The following SNX29 variants were observed in gnomAD, a reference collection of about 807,000 sequenced individuals.
SNX29 encodes sorting nexin 29, also known as sorting nexin-29.
A neutral mutation model predicts 102.1 loss-of-function variants in SNX29; 78 were observed. That is an observed-to-expected ratio of 0.76 (90% CI 0.64 to 0.92). SNX29 has a LOEUF of 0.92. Among genes scored for constraint, SNX29 ranks in the 40% least tolerant of loss-of-function variants. SNX29 has a pLI of 0.00. For synonymous variants in SNX29, 580 were observed against 414.5 expected, an observed-to-expected ratio of 1.40 and a Z score of -4.85; for missense variants, 1,280 against 1,061.7, an observed-to-expected ratio of 1.21 and a Z score of -2.86.
chr16:12,487,874 T>G (rs943475303), intron 19 of SNX29, among the ~76,000 whole-genome samples: 3 of 152,192 alleles, frequency 2.0e-5, no homozygotes, highest in Admixed American at 6.5e-5. Context: ...ACTTAATGTA[T>G]TAATCGAGAA....
chr16:12,539,429 T>C (rs2077223821), intron 20 of SNX29, among the ~76,000 whole-genome samples: 1 of 152,208 alleles, frequency 6.6e-6, no homozygotes. Flanking sequence ...GAGTCAGCAG[T>C]GTTTTTATTA....
At chr16:12,145,861 G>A (rs1240963588) in intron 13 of SNX29, among the ~76,000 whole-genome samples, 1 of 152,152 alleles carries the variant, frequency 6.6e-6, no homozygotes, top group Non-Finnish European at 1.5e-5. Context: ...TCCCTTGTAG[G>A]ATTAGTATTT....
At chr16:12,513,179 A>G (rs1335833118) in intron 19 of SNX29, among the ~76,000 whole-genome samples, 1 of 120,628 alleles carries the variant, frequency 8.3e-6, no homozygotes, top group Non-Finnish European at 1.7e-5. Flanking sequence ...CCTCCCTCCC[A>G]TACCTTTCCT....
intron 11 of SNX29, chr16:12,086,813 T>A (rs2052222665): frequency 6.6e-6 from 1 of 152,124 alleles, no homozygotes; most frequent in Non-Finnish European, 1.5e-5. Context: ...AATGTTTCAA[T>A]AAAATTTTGG....
At chr16:12,273,558 C>T (rs1031104236) in intron 14 of SNX29, among the ~76,000 whole-genome samples, 1 of 152,024 alleles carries the variant, frequency 6.6e-6, no homozygotes, top group African/African-American at 2.4e-5. Context: ...AGGGTTTCAC[C>T]ATGTTGGCCA....
intron 15 of SNX29, among the ~76,000 whole-genome samples, chr16:12,279,859 C>T (rs999815858): frequency 6.6e-6 from 1 of 152,178 alleles, no homozygotes; most frequent in Non-Finnish European, 1.5e-5. Context: ...AATGAAAGTG[C>T]AGGATGAAAG....
chr16:12,080,113 C>G (rs2051791108), intron 11 of SNX29, among the ~76,000 whole-genome samples: 2 of 152,158 alleles, frequency 1.3e-5, no homozygotes, highest in African/African-American at 4.8e-5. Context: ...AACGTTGAAG[C>G]TCCCCCGACC....
At chr16:12,383,772 CTTTTTTTT>C (rs58531196) in intron 16 of SNX29, among the ~76,000 whole-genome samples, 2 of 105,962 alleles carry the variant, frequency 1.9e-5, no homozygotes, top group South Asian at 3.2e-4. Flanking sequence ...CGTCAACTTT[CTTTTTTTT>C]TTTTTTTTTT....
rs368780010 is a variant in SNX29 at position 12,355,090 on chromosome 16, C to G, written c.1783-1073C>G. ...GTATTTCAGATGAAGAATTTTAATT[C>G]TTTATAAAGGGTCTAAGTGGCTTCT... On this transcript the variant is annotated intron_variant, in intron 15 of 20. Transcript: ENST00000566228. Among the ~76,000 whole-genome samples the G allele has an allele frequency of 8.6e-5, 13 of 152,038 alleles. 1 individual carries two copies. The highest frequency in any genetic ancestry group is 6.6e-4 in the Admixed American group (10 of 15,256).
At chr16:12,297,572 C>T (rs1045298838) in intron 15 of SNX29, among the ~76,000 whole-genome samples, 1 of 151,918 alleles carries the variant, frequency 6.6e-6, no homozygotes, top group Non-Finnish European at 1.5e-5. Flanking sequence ...GTCCTCAGCA[C>T]CCCCTGTTGT....
At chr16:12,465,511 A>G (rs2087010185) in intron 18 of SNX29, among the ~76,000 whole-genome samples, 1 of 152,130 alleles carries the variant, frequency 6.6e-6, no homozygotes, top group Non-Finnish European at 1.5e-5. Flanking sequence ...GTCACAGATT[A>G]GTTGACCATA....
intron 20 of SNX29, among the ~76,000 whole-genome samples, chr16:12,533,579 G>C (rs1014688874): frequency 6.6e-6 from 1 of 152,108 alleles, no homozygotes; most frequent in African/African-American, 2.4e-5. Flanking sequence ...TTATCAACCA[G>C]GTATATTATT....
rs2079175061 is a variant in SNX29 at position 12,570,962 on chromosome 16, G to A, written c.*2333G>A. 8.6e-6 allele frequency: 2 copies of A among 232,146 alleles called. No homozygotes were observed. The highest frequency in any genetic ancestry group is 1.7e-5 in the Non-Finnish European group (2 of 117,412). The allele number at this position is 232,146 out of a possible 1,614,324, so 14.4% of individuals were successfully genotyped here. Reference sequence around the variant, plus strand: ...AGCCACATGGGGACCATCCCCAGCTGCCTGCTCCTGGTACCTCCCCCATGA... The same window carrying A: ...AGCCACATGGGGACCATCCCCAGCTACCTGCTCCTGGTACCTCCCCCATGA... On this transcript the variant is annotated 3_prime_UTR_variant, in exon 21 of 21. Transcript: ENST00000566228.
chr16:12,106,494 C>T (rs1476864306), intron 11 of SNX29, among the ~76,000 whole-genome samples: 1 of 151,986 alleles, frequency 6.6e-6, no homozygotes, highest in Non-Finnish European at 1.5e-5. Flanking sequence ...TTTTCTTTTT[C>T]AGACAGGGCC....
intron 4 of SNX29, among the ~76,000 whole-genome samples, chr16:12,038,259 A>T (rs2057530419): frequency 1.3e-5 from 2 of 152,252 alleles, no homozygotes; most frequent in African/African-American, 4.8e-5. Context: ...AAGGTCACAC[A>T]GTGCCTGAAC....
intron 20 of SNX29, among the ~76,000 whole-genome samples, chr16:12,544,978 G>C (rs1279138326): frequency 6.6e-6 from 1 of 152,076 alleles, no homozygotes; most frequent in Non-Finnish European, 1.5e-5. Context: ...GAGAGATTGA[G>C]TAACTTGTCC....
Position 12,356,291 on chromosome 16 carries a change from C to T in SNX29, c.1899+12C>T. ...ATCTCCGGGGACCGGTGAGTGTTTCCCCAACCCTGTGTGTCTGTCAAGCCT... is the reference window on the plus strand; with the variant it reads ...ATCTCCGGGGACCGGTGAGTGTTTCTCCAACCCTGTGTGTCTGTCAAGCCT... On this transcript the variant is annotated intron_variant, in intron 16 of 20. Transcript: ENST00000566228. 2 of 1,584,470 alleles carry T rather than the reference C, an allele frequency of 1.3e-6. No individual in the cohort carries two copies. Among genetic ancestry groups the T allele is most frequent in the African/African-American group, 1.3e-5 (1 of 74,356 alleles).
intron 14 of SNX29, among the ~76,000 whole-genome samples, chr16:12,256,413 T>C (rs62038352): frequency 0.041 from 6,218 of 152,258 alleles, 177 homozygotes; most frequent in Non-Finnish European, 0.057. Context: ...CTGCAACCTC[T>C]GCCTCCCTGG....
At chr16:12,202,950 G>A (rs1471775117) in intron 14 of SNX29, among the ~76,000 whole-genome samples, 1 of 152,246 alleles carries the variant, frequency 6.6e-6, no homozygotes, top group Non-Finnish European at 1.5e-5. Context: ...TGGCGTGGGA[G>A]GTGACATTTC....
Sources: allele counts gnomAD v4.1 joint callset (sites outside exome capture counted in the v4.1 genomes callset), GRCh38; gene constraint gnomAD v4.1.1; transcripts MANE v1.5; gene names NCBI Gene and HGNC (gene_info 2026-07-23, HGNC 2026-07-21).